The following TMPRSS15 variants were observed in gnomAD, a reference collection of about 807,000 sequenced individuals.
TMPRSS15 encodes transmembrane serine protease 15.
In TMPRSS15, 128 loss-of-function variants were observed where a neutral mutation model predicts 125.3. That is an observed-to-expected ratio of 1.02 (90% CI 0.89 to 1.18). The LOEUF (loss-of-function observed/expected upper bound fraction) is 1.18. Among genes scored for constraint, TMPRSS15 ranks in the 50% most tolerant of loss-of-function variants. TMPRSS15 has a pLI of 0.00. For synonymous variants in TMPRSS15, 446 were observed against 423.2 expected, an observed-to-expected ratio of 1.05 and a Z score of -0.66; for missense variants, 1,283 against 1,212.7, an observed-to-expected ratio of 1.06 and a Z score of -0.86.
chr21:18,363,212 C>A (rs1457047639), intron 7 of TMPRSS15, among the ~76,000 whole-genome samples: 4 of 152,052 alleles, frequency 2.6e-5, no homozygotes, highest in Non-Finnish European at 5.9e-5. Flanking sequence ...TTAATTAAAT[C>A]ATCATTTTAG....
chr21:18,302,139 G>T (rs1280752293), intron 18 of TMPRSS15, among the ~76,000 whole-genome samples: 2 of 152,174 alleles, frequency 1.3e-5, no homozygotes, highest in African/African-American at 2.4e-5. Flanking sequence ...AAGCTAAAAA[G>T]AATAATAATG....
intron 1 of TMPRSS15, among the ~76,000 whole-genome samples, chr21:18,411,533 AC>A (rs1460102600): frequency 6.6e-6 from 1 of 152,152 alleles, no homozygotes; most frequent in African/African-American, 2.4e-5. Flanking sequence ...CCTAAAAATC[AC>A]CTATGTGAGA....
At chr21:18,482,991 A>T (rs1269428945) in intron 1 of TMPRSS15, among the ~76,000 whole-genome samples, 1 of 151,680 alleles carries the variant, frequency 6.6e-6, no homozygotes, top group African/African-American at 2.4e-5. Context: ...TTGTTAAATT[A>T]CTGGGTCCCA....
intron 1 of TMPRSS15, among the ~76,000 whole-genome samples, chr21:18,425,863 T>C (rs1486731289): frequency 2.6e-5 from 4 of 152,132 alleles, no homozygotes; most frequent in African/African-American, 9.6e-5. Context: ...TAAAAAACCC[T>C]TAATAACCTA....
rs572799952 is a variant in TMPRSS15, at chr21:18,275,228, C to T, written c.2873G>A (p.Gly958Asp). The T allele has an allele frequency of 1.2e-6, 2 of 1,614,044 alleles. No homozygotes were observed. Among genetic ancestry groups the T allele is most frequent in the East Asian group, 2.2e-5 (1 of 44,860 alleles). Residue 958 changes from glycine to aspartate, a missense_variant, in exon 24 of 25, where the codon GGC (glycine) becomes GAC (aspartate). Gly to Asp is a moderately conservative substitution (Grantham distance 94). Transcript: ENST00000284885. ...YNITENMICA[G>D]YEEGGIDSCQ... ...AGAATCTATTCCTCCTTCTTCATAG[C>T]CTGCACATATCATATTTTCAGTAAT...
chr21:18,357,263 C>T (rs1569030290), intron 8 of TMPRSS15, among the ~76,000 whole-genome samples: 1 of 151,724 alleles, frequency 6.6e-6, no homozygotes, highest in African/African-American at 2.4e-5. Flanking sequence ...ATAACTTTCC[C>T]AGCACTCTAT....
chr21:18,335,918 T>C (rs2075386809), intron 13 of TMPRSS15, among the ~76,000 whole-genome samples: 2 of 147,192 alleles, frequency 1.4e-5, no homozygotes, highest in Admixed American at 1.4e-4. Context: ...GGGAATTATA[T>C]TCATTTATAG....
In TMPRSS15 at chr21:18,343,633, A is replaced by C. The variant is rs756265110; in HGVS notation, c.1301T>G (p.Val434Gly). 2.5e-6 allele frequency: 4 copies of C among 1,613,726 alleles called. No individual in the cohort carries two copies. In the South Asian group the frequency reaches 3.3e-5, roughly 13 times the overall value. ...GCTGATATTAATGCTTAATTTATGGACATTTTCACCATACATATGATACCT... is the reference window on the plus strand; with the variant it reads ...GCTGATATTAATGCTTAATTTATGGCCATTTTCACCATACATATGATACCT... ...SFWYHMYGENVHKLSINISND... is the reference protein window; with the variant it reads ...SFWYHMYGENGHKLSINISND... The change falls in exon 12 of 25, where the codon GTC (valine) becomes GGC (glycine). Residue 434 changes from valine (V) to glycine (G), a missense_variant. Coordinates refer to ENST00000284885, the MANE Select transcript of TMPRSS15 (RefSeq NM_002772.3).
At chr21:18,392,044 G>GTCCT (rs2075995321) in intron 3 of TMPRSS15, among the ~76,000 whole-genome samples, 1 of 152,190 alleles carries the variant, frequency 6.6e-6, no homozygotes, top group African/African-American at 2.4e-5. Context: ...CAGCAGTGGG[G>GTCCT]TCCTGGGCCC....
intron 1 of TMPRSS15, among the ~76,000 whole-genome samples, chr21:18,421,126 T>C (rs2076191264): frequency 6.6e-6 from 1 of 152,158 alleles, no homozygotes; most frequent in African/African-American, 2.4e-5. Context: ...ACCACTAATA[T>C]TGGAAAATAT....
rs1029461437 is a variant in TMPRSS15, at chr21:18,440,103, G to A, written c.11-41774C>T. ...GAAAACTGTAGTGATGGCCGGGCGC[G>A]GTGGCTCACGCCTGTAATCCCAGCA... On this transcript the variant is annotated intron_variant, in intron 1 of 7. Transcript: ENST00000422787. 8.6e-5 allele frequency among the ~76,000 whole-genome samples: 13 copies of A among 151,946 alleles called. No individual in the cohort carries two copies. The East Asian group carries it at 9.7e-4, about 11-fold the overall frequency.
chr21:18,300,444 T>C (rs912982369), intron 18 of TMPRSS15, among the ~76,000 whole-genome samples: 10 of 151,610 alleles, frequency 6.6e-5, no homozygotes, highest in Non-Finnish European at 1.2e-4. Context: ...CAGGTTTAAG[T>C]GATTCTCCTG....
intron 4 of TMPRSS15, among the ~76,000 whole-genome samples, chr21:18,382,253 A>T (rs1170820820): frequency 1.3e-5 from 2 of 152,112 alleles, no homozygotes; most frequent in African/African-American, 4.8e-5. Flanking sequence ...AGAGAGTAAA[A>T]ATGTTGATAG....
At chr21:18,290,976 A>G (rs1182988369) in intron 21 of TMPRSS15, among the ~76,000 whole-genome samples, 1 of 152,234 alleles carries the variant, frequency 6.6e-6, no homozygotes, top group Non-Finnish European at 1.5e-5. Flanking sequence ...AATTATATCA[A>G]TATAAAAATT....
intron 24 of TMPRSS15, among the ~76,000 whole-genome samples, chr21:18,271,905 A>ATC (rs199794449): frequency 0.012 from 1,781 of 152,254 alleles, 33 homozygotes; most frequent in African/African-American, 0.041. Flanking sequence ...AAATGACGTG[A>ATC]TCTCATTCCC....
chr21:18,359,332 G>C (rs1310126740), intron 8 of TMPRSS15, among the ~76,000 whole-genome samples: 1 of 151,988 alleles, frequency 6.6e-6, no homozygotes, highest in African/African-American at 2.4e-5. Flanking sequence ...ATTAGTAATA[G>C]CCTGCAGGAG....
At chr21:18,347,593 G>C (rs979778927) in intron 10 of TMPRSS15, among the ~76,000 whole-genome samples, 1 of 152,094 alleles carries the variant, frequency 6.6e-6, no homozygotes, top group Non-Finnish European at 1.5e-5. Flanking sequence ...TTGGAAACAA[G>C]AAAGACACTT....
intron 1 of TMPRSS15, among the ~76,000 whole-genome samples, chr21:18,456,733 T>C (rs1375648929): frequency 6.6e-6 from 1 of 152,134 alleles, no homozygotes; most frequent in Non-Finnish European, 1.5e-5. Context: ...CTACTACTGA[T>C]TATAAAAGTA....
rs749950017 is a variant in TMPRSS15 at position 18,294,430 on chromosome 21, GT to G, written c.2325del (p.Lys775AsnfsTer58). ...LQCNHKSCGKKLAAQDITPKI... is the reference protein window; with the variant it reads ...LQCNHKSCGKXLAAQDITPKI... The stretch of plus-strand genomic sequence containing the variant: ...TTTGGGGTGATGTCTTGAGCTGCCA[GT>G]TTTTTTCCACAAGCTATTAAAATAA... On this transcript the variant is annotated frameshift_variant, in exon 21 of 25. Coordinates refer to ENST00000284885, the MANE Select transcript of TMPRSS15 (RefSeq NM_002772.3). LOFTEE classifies it high-confidence loss of function. The G allele has an allele frequency of 1.1e-5, 17 of 1,614,064 alleles. No homozygotes were observed. In the South Asian group the frequency reaches 1.9e-4, roughly 18 times the overall value.
Sources: allele counts gnomAD v4.1 joint callset (sites outside exome capture counted in the v4.1 genomes callset), GRCh38; gene constraint gnomAD v4.1.1; transcripts MANE v1.5; gene names NCBI Gene and HGNC (gene_info 2026-07-23, HGNC 2026-07-21).